The following PTPRZ1 variants were observed in gnomAD, a reference collection of about 807,000 sequenced individuals.
PTPRZ1 encodes the protein receptor-type tyrosine-protein phosphatase zeta.
PTPRZ1 carries 82 observed loss-of-function variants against 214.1 expected under a neutral mutation model. That is an observed-to-expected ratio of 0.38 (90% CI 0.32 to 0.46). The LOEUF (loss-of-function observed/expected upper bound fraction) is 0.46, where lower values mean the gene tolerates loss of function less well. Among genes scored for constraint, PTPRZ1 ranks in the 20% least tolerant of loss-of-function variants. The pLI is 1.00. For synonymous variants in PTPRZ1, 945 were observed against 987.9 expected (o/e 0.96, Z 0.81); for missense variants, 2,603 against 2,748.7 (o/e 0.95, Z 1.19).
chr7:121,913,440 TA>T (rs1171122627), intron 1 of PTPRZ1, among the ~76,000 whole-genome samples: 2 of 152,226 alleles, frequency 1.3e-5, no homozygotes, highest in Admixed American at 6.5e-5. Flanking sequence ...AGCTTTGCAT[TA>T]GGGGAAGTGA....
At chr7:122,022,403 T>G (rs1014413926) in intron 13 of PTPRZ1, among the ~76,000 whole-genome samples, 1 of 152,172 alleles carries the variant, frequency 6.6e-6, no homozygotes, top group Non-Finnish European at 1.5e-5. Flanking sequence ...GTGGTTTTGT[T>G]TGTTTGTTTT....
At chr7:122,039,095 C>A (rs946819804) in intron 19 of PTPRZ1, among the ~76,000 whole-genome samples, 5 of 152,164 alleles carry the variant, frequency 3.3e-5, no homozygotes, top group African/African-American at 1.2e-4. Flanking sequence ...CTTTTAAACG[C>A]ATTCTTCATA....
intron 12 of PTPRZ1, among the ~76,000 whole-genome samples, chr7:122,015,841 A>T (rs894120383): frequency 1.3e-5 from 2 of 152,038 alleles, no homozygotes; most frequent in Non-Finnish European, 2.9e-5. Flanking sequence ...TGAATATGAC[A>T]TCCAACATTA....
intron 1 of PTPRZ1, among the ~76,000 whole-genome samples, chr7:121,878,875 C>T (rs1223415637): frequency 1.5e-4 from 23 of 149,956 alleles, no homozygotes; most frequent in Admixed American, 1.5e-3. Context: ...AAAGATTGTA[C>T]CATGAAGCTT....
intron 13 of PTPRZ1, among the ~76,000 whole-genome samples, chr7:122,026,195 TCTC>T (rs1415194203): frequency 6.6e-6 from 1 of 152,130 alleles, no homozygotes; most frequent in Non-Finnish European, 1.5e-5. Flanking sequence ...AAAGGAGTGA[TCTC>T]CTTCTCACTG....
chr7:121,896,777 A>T lies in PTPRZ1; in HGVS notation c.58+23220A>T, dbSNP rs1307349301. Among the ~76,000 whole-genome samples the T allele has an allele frequency of 5.5e-5, 7 of 126,340 alleles. No homozygotes were observed. The East Asian group carries it at 1.0e-3, about 18-fold the overall frequency. The allele number at this position is 126,340 out of a possible 152,430, so 82.9% of individuals were successfully genotyped here. On this transcript the variant is annotated intron_variant, in intron 1 of 29. Transcript: ENST00000393386. The stretch of plus-strand genomic sequence containing the variant: ...GACAGGGTGAGACTCTGCCTCAAAT[A>T]AAAAAAAAAAAAGAAACAAGAACAT...
intron 11 of PTPRZ1, among the ~76,000 whole-genome samples, chr7:122,008,773 C>T (rs1402153738): frequency 6.6e-6 from 1 of 152,076 alleles, no homozygotes; most frequent in East Asian, 1.9e-4. Flanking sequence ...AGAAACTCCA[C>T]ACTGCCAAGC....
intron 6 of PTPRZ1, among the ~76,000 whole-genome samples, chr7:121,978,470 T>C (rs537362441): frequency 6.6e-6 from 1 of 152,240 alleles, no homozygotes; most frequent in African/African-American, 2.4e-5. Context: ...AAGGCATGTA[T>C]TACATGGCAG....
At chr7:122,024,670 T>C (rs938541009) in intron 13 of PTPRZ1, among the ~76,000 whole-genome samples, 10 of 152,062 alleles carry the variant, frequency 6.6e-5, no homozygotes, top group African/African-American at 2.4e-4. Context: ...CCAAATAGGG[T>C]TATTGGGCTA....
intron 11 of PTPRZ1, among the ~76,000 whole-genome samples, chr7:122,009,933 C>T (rs761202722): frequency 5.9e-5 from 9 of 152,042 alleles, no homozygotes; most frequent in Non-Finnish European, 1.2e-4. Flanking sequence ...AGTTTCATCG[C>T]CAATTCTTAT....
rs534299919 is a variant in PTPRZ1, at chr7:121,977,422, T to G, written c.619+571T>G. The stretch of plus-strand genomic sequence containing the variant: ...TGTAATTTGTCACAACAAATGCTTT[T>G]AACAACATGGGCAGAGGAGTGTAAG... On this transcript the variant is annotated intron_variant, in intron 6 of 29. Transcript: ENST00000393386. Among the ~76,000 whole-genome samples, 8 of 152,352 alleles carry G rather than the reference T, an allele frequency of 5.3e-5. No individual in the cohort carries two copies. The South Asian group carries it at 1.2e-3, about 24-fold the overall frequency.
At chr7:121,976,354 C>A in intron 5 of PTPRZ1, 86 bp downstream of exon 5, 2 of 842,352 alleles carry the variant, frequency 2.4e-6, no homozygotes, top group South Asian at 2.4e-5. Flanking sequence ...TAGTTTCTAA[C>A]AAAGAGAGGA....
chr7:122,061,023 CA>C, intron 29 of PTPRZ1, 56 bp from the exon 30 acceptor site: 2 of 1,482,724 alleles, frequency 1.3e-6, no homozygotes, highest in Non-Finnish European at 1.8e-6. Context: ...CTTCTTTTTA[CA>C]AATGTATGTC....
intron 26 of PTPRZ1, among the ~76,000 whole-genome samples, chr7:122,054,592 C>T (rs536401873): frequency 6.6e-6 from 1 of 152,156 alleles, no homozygotes; most frequent in Admixed American, 6.6e-5. Flanking sequence ...CAGTTCTTAT[C>T]TATAAAGTTA....
chr7:121,940,859 C>T (rs1303078021), intron 2 of PTPRZ1, among the ~76,000 whole-genome samples: 1 of 151,998 alleles, frequency 6.6e-6, no homozygotes, highest in Non-Finnish European at 1.5e-5. Flanking sequence ...AATGAGCTGG[C>T]CCACCTATCC....
chr7:122,035,584 A>T (rs924237600), intron 17 of PTPRZ1, among the ~76,000 whole-genome samples: 3 of 152,184 alleles, frequency 2.0e-5, no homozygotes, highest in Admixed American at 6.5e-5. Context: ...ATAAAGAAAA[A>T]CAATCCAGAA....
chr7:122,039,003 TC>T, intron 19 of PTPRZ1, 114 bp downstream of exon 19: 1 of 1,133,572 alleles, frequency 8.8e-7, no homozygotes, highest in Non-Finnish European at 1.3e-6. Context: ...TATTTGGGAT[TC>T]TTTTTTAGTA....
rs193234877 is a variant in PTPRZ1, at chr7:121,880,986, C to T, written c.58+7429C>T. Among the ~76,000 whole-genome samples the T allele has an allele frequency of 3.2e-4, 48 of 152,244 alleles. No homozygotes were observed. In the East Asian group the frequency reaches 6.6e-3, roughly 21 times the overall value. ...GGTTGATAATTCTCAATCCTGGCTG[C>T]ATTTTGAACTTACTTGGTGTTATGG... On this transcript the variant is annotated intron_variant, in intron 1 of 29. Coordinates refer to ENST00000393386, the MANE Select transcript of PTPRZ1 (RefSeq NM_002851.3).
intron 6 of PTPRZ1, among the ~76,000 whole-genome samples, chr7:121,979,202 C>CT (rs1365484515): frequency 6.6e-6 from 1 of 152,134 alleles, no homozygotes; most frequent in Admixed American, 6.5e-5. Context: ...CTCAACCCCT[C>CT]TTTCTTTCTT....
Sources: allele counts gnomAD v4.1 joint callset (sites outside exome capture counted in the v4.1 genomes callset), GRCh38; gene constraint gnomAD v4.1.1; transcripts MANE v1.5; gene names NCBI Gene and HGNC (gene_info 2026-07-23, HGNC 2026-07-21).